The following CCNY variants were observed in gnomAD, a reference collection of about 807,000 sequenced individuals.
CCNY encodes the protein cyclin Y.
In CCNY, 19 loss-of-function variants were observed where a neutral mutation model predicts 42.8. That is an observed-to-expected ratio of 0.44 (90% CI 0.31 to 0.65). The LOEUF is 0.65. Ranked by LOEUF, CCNY falls within the 30% of genes least tolerant of loss-of-function variation. CCNY has a pLI of 0.07. For synonymous variants in CCNY, 165 were observed against 162.7 expected (o/e 1.01, Z -0.11); for missense variants, 370 against 437.3 (o/e 0.85, Z 1.37).
At chr10:35,425,071 C>T (rs1838237379) in intron 1 of CCNY, among the ~76,000 whole-genome samples, 2 of 152,204 alleles carry the variant, frequency 1.3e-5, no homozygotes, top group Admixed American at 1.3e-4. Context: ...TCCACTTGTG[C>T]TGTGAGCATG....
intron 3 of CCNY, among the ~76,000 whole-genome samples, chr10:35,317,979 A>G (rs1835780226): frequency 6.6e-6 from 1 of 152,128 alleles, no homozygotes; most frequent in Non-Finnish European, 1.5e-5. Context: ...CTGTAATCCT[A>G]GCACTTGGGA....
intron 3 of CCNY, among the ~76,000 whole-genome samples, chr10:35,292,781 G>GC (rs1835428628): frequency 1.8e-5 from 2 of 108,760 alleles, no homozygotes; most frequent in African/African-American, 7.0e-5. Flanking sequence ...CTTTGTTTTT[G>GC]TTTTTTTTTT....
chr10:35,341,412 C>T (rs1836179343), intron 1 of CCNY, among the ~76,000 whole-genome samples: 1 of 152,212 alleles, frequency 6.6e-6, no homozygotes, highest in Non-Finnish European at 1.5e-5. Flanking sequence ...ATATTCCCTG[C>T]ACTCCTGTTT....
intron 1 of CCNY, among the ~76,000 whole-genome samples, chr10:35,457,318 C>T (rs528957941): frequency 2.6e-4 from 40 of 152,316 alleles, no homozygotes; most frequent in African/African-American, 8.4e-4. Context: ...TGCCTTGCTT[C>T]AGTCCCGTCG....
At chr10:35,509,026 A>G (rs1270161522) in intron 3 of CCNY, among the ~76,000 whole-genome samples, 1 of 152,100 alleles carries the variant, frequency 6.6e-6, no homozygotes. Flanking sequence ...CACTTAGCAT[A>G]ATGTTCTCAA....
intron 1 of CCNY, among the ~76,000 whole-genome samples, chr10:35,337,870 A>G (rs756084654): frequency 2.0e-5 from 3 of 152,112 alleles, no homozygotes; most frequent in South Asian, 4.1e-4. Flanking sequence ...TTGCAGTCCT[A>G]TGAATTTCTG....
intron 3 of CCNY, among the ~76,000 whole-genome samples, chr10:35,324,810 T>C (rs1835860757): frequency 6.6e-6 from 1 of 152,216 alleles, no homozygotes; most frequent in Non-Finnish European, 1.5e-5. Context: ...TTAGCCTATA[T>C]TTAACAGTCA....
intron 1 of CCNY, among the ~76,000 whole-genome samples, chr10:35,438,251 C>T (rs569958508): frequency 2.3e-4 from 35 of 151,674 alleles, no homozygotes; most frequent in Middle Eastern, 6.8e-3. Context: ...CAGGCTAAAG[C>T]TGTCCTCCCA....
chr10:35,469,626 A>G (rs1426449246), intron 1 of CCNY, among the ~76,000 whole-genome samples: 1 of 150,748 alleles, frequency 6.6e-6, no homozygotes, highest in Admixed American at 6.6e-5. Context: ...ACAGATAGAC[A>G]GGGGGAGATG....
At chr10:35,491,987 A>G (rs1340137642) in intron 2 of CCNY, among the ~76,000 whole-genome samples, 1 of 152,110 alleles carries the variant, frequency 6.6e-6, no homozygotes, top group Non-Finnish European at 1.5e-5. Flanking sequence ...TCCTGTAGTC[A>G]GTGTCTAAGC....
At chr10:35,384,465 G>A (rs1215944247) in intron 1 of CCNY, among the ~76,000 whole-genome samples, 2 of 152,298 alleles carry the variant, frequency 1.3e-5, no homozygotes, top group African/African-American at 2.4e-5. Flanking sequence ...GATACTTAAC[G>A]TTTTATCAGT....
chr10:35,320,613 A>G (rs578097907), intron 3 of CCNY, among the ~76,000 whole-genome samples: 65 of 152,348 alleles, frequency 4.3e-4, no homozygotes, highest in African/African-American at 1.6e-3. Context: ...TGGAAGTCCT[A>G]GCCAGTACAA....
chr10:35,474,164 G>A (rs1014638853), intron 1 of CCNY, among the ~76,000 whole-genome samples: 1 of 152,164 alleles, frequency 6.6e-6, no homozygotes, highest in African/African-American at 2.4e-5. Flanking sequence ...GAGTCTCGCT[G>A]ACTGCTAGCA....
At chr10:35,420,474 C>T (rs576782285) in intron 1 of CCNY, among the ~76,000 whole-genome samples, 7 of 152,166 alleles carry the variant, frequency 4.6e-5, no homozygotes, top group Non-Finnish European at 1.0e-4. Flanking sequence ...GCACAGGTAG[C>T]TTTTCAGTGA....
chr10:35,567,337 G>A (rs868784497), intron 9 of CCNY, among the ~76,000 whole-genome samples: 9 of 152,302 alleles, frequency 5.9e-5, no homozygotes, highest in South Asian at 2.1e-4. Context: ...ATGTGGCTCC[G>A]CCTCATATGT....
chr10:35,498,823 C>T (rs1317341592), intron 2 of CCNY, among the ~76,000 whole-genome samples: 3 of 152,298 alleles, frequency 2.0e-5, no homozygotes, highest in Non-Finnish European at 2.9e-5. Context: ...CAAAACCATA[C>T]AGGAAAGTGG....
At chr10:35,266,618 C>A (rs187088805) in intron 3 of CCNY, among the ~76,000 whole-genome samples, 1 of 152,028 alleles carries the variant, frequency 6.6e-6, no homozygotes, top group Admixed American at 6.6e-5. Flanking sequence ...GTAACAAGAG[C>A]CCTAATGCAA....
At chr10:35,251,406 GTGT>G (rs1483698701) in intron 3 of CCNY, among the ~76,000 whole-genome samples, 3 of 152,248 alleles carry the variant, frequency 2.0e-5, no homozygotes. Flanking sequence ...GAGACAGATG[GTGT>G]TGTTTGCTGA....
intron 2 of CCNY, among the ~76,000 whole-genome samples, chr10:35,491,918 A>T (rs534516812): frequency 1.3e-5 from 2 of 152,174 alleles, no homozygotes; most frequent in South Asian, 4.1e-4. Context: ...CCGGCCTCAT[A>T]ACCTAGTTTT....
Sources: allele counts gnomAD v4.1 joint callset (sites outside exome capture counted in the v4.1 genomes callset), GRCh38; gene constraint gnomAD v4.1.1; transcripts MANE v1.5; gene names NCBI Gene and HGNC (gene_info 2026-07-23, HGNC 2026-07-21).